DCLRE1C: variants seen among roughly 807,000 people sequenced by gnomAD.
DCLRE1C encodes protein artemis.
A neutral mutation model predicts 61.4 loss-of-function variants in DCLRE1C; 47 were observed. That is an observed-to-expected ratio of 0.77 (90% CI 0.61 to 0.98). The LOEUF (loss-of-function observed/expected upper bound fraction) is 0.98, where lower values mean the gene tolerates loss of function less well. Among genes scored for constraint, DCLRE1C ranks in the 50% least tolerant of loss-of-function variants. DCLRE1C has a pLI of 0.00. For missense variants in DCLRE1C, 858 were observed against 816.0 expected, an observed-to-expected ratio of 1.05 and a Z score of -0.63; for synonymous variants, 337 against 287.6, an observed-to-expected ratio of 1.17 and a Z score of -1.74.
intron 1 of DCLRE1C, among the ~76,000 whole-genome samples, chr10:14,952,101 T>A (rs1378662030): frequency 1.3e-5 from 2 of 152,136 alleles, no homozygotes; most frequent in African/African-American, 4.8e-5. Flanking sequence ...ATGCACAAAC[T>A]TATGATGATT....
Position 14,907,708 on chromosome 10 carries a change from T to TATCA in DCLRE1C, c.*696_*699dup, listed in dbSNP as rs923587903. ...ACATGGTTTTTCCATCCTTTTAACC[T>TATCA]ATCAATCACTTGAATTGACTTTCTT... On this transcript the variant is annotated 3_prime_UTR_variant, in exon 14 of 14. Coordinates refer to ENST00000378278, the MANE Select transcript of DCLRE1C (RefSeq NM_001033855.3). 1.2e-4 allele frequency among the ~76,000 whole-genome samples: 18 copies of TATCA among 152,182 alleles called. No individual in the cohort carries two copies. The highest frequency in any genetic ancestry group is 4.3e-4 in the African/African-American group (18 of 41,446).
intron 13 of DCLRE1C, among the ~76,000 whole-genome samples, chr10:14,914,599 T>C (rs535645836): frequency 2.0e-5 from 3 of 152,352 alleles, no homozygotes; most frequent in East Asian, 1.9e-4. Flanking sequence ...CCAGGTTTAA[T>C]GTGTAAATTG....
In DCLRE1C at chr10:14,934,508, T is replaced by C; in HGVS notation, c.550A>G (p.Ser184Gly). The C allele has an allele frequency of 6.2e-7, 1 of 1,614,134 alleles. No individual in the cohort carries two copies. The highest frequency in any genetic ancestry group is 8.5e-7 in the Non-Finnish European group (1 of 1,180,020). Residue 184 changes from serine (S) to glycine (G), a missense_variant, in exon 8 of 14, where the codon AGT (serine) becomes GGT (glycine). Physicochemically the swap from Ser to Gly is moderately conservative, Grantham distance 56. Around this residue, in one of 2 missense-constraint regions of DCLRE1C, gnomAD observed 843 missense variants for 783.5 expected, o/e 1.08. Coordinates refer to ENST00000378278, the MANE Select transcript of DCLRE1C (RefSeq NM_001033855.3). The part of the protein sequence containing the change: ...YQIPSREECL[S>G]GVLELVRSWI... ...CTTCGGACCAGCTCTAAGACTCCAC[T>C]TAAACACTCCTCCTAGACAGGATTT...
chr10:14,916,569 C>A (rs1836228474), intron 13 of DCLRE1C, among the ~76,000 whole-genome samples: 1 of 152,202 alleles, frequency 6.6e-6, no homozygotes, highest in Non-Finnish European at 1.5e-5. Flanking sequence ...AAATCCAAAA[C>A]ACTTCTGCTC....
At chr10:14,934,253 G>A (rs1484820864) in intron 8 of DCLRE1C, 127 bp downstream of exon 8, 90 of 1,349,866 alleles carry the variant, frequency 6.7e-5, no homozygotes, top group African/African-American at 8.9e-5. Flanking sequence ...GCTTGAACCC[G>A]GGAGGTGGAG....
At chr10:14,901,328 A>G (rs945970713), downstream of DCLRE1C, 4 of 1,595,780 alleles carry the variant, frequency 2.5e-6, no homozygotes, top group East Asian at 4.5e-5. Flanking sequence ...CAGACTAGGA[A>G]CAGACCTTAG....
At chr10:14,915,668 ACTC>A (rs1836064056) in intron 13 of DCLRE1C, among the ~76,000 whole-genome samples, 1 of 151,742 alleles carries the variant, frequency 6.6e-6, no homozygotes, top group East Asian at 1.9e-4. Flanking sequence ...CACAAAGAAA[ACTC>A]CTTTCCCACC....
At chr10:14,922,439 T>TAA (rs76753067) in intron 12 of DCLRE1C, among the ~76,000 whole-genome samples, 1,281 of 124,856 alleles carry the variant, frequency 0.01, 17 homozygotes, top group African/African-American at 0.035. Flanking sequence ...AGACCCTGTC[T>TAA]AAAAAAAAAA....
intron 11 of DCLRE1C, among the ~76,000 whole-genome samples, chr10:14,924,798 G>T (rs1374857431): frequency 6.6e-6 from 1 of 151,738 alleles, no homozygotes; most frequent in Non-Finnish European, 1.5e-5. Context: ...AGTGAGCCGA[G>T]ATCACGCCAC....
intron 1 of DCLRE1C, among the ~76,000 whole-genome samples, chr10:14,952,149 C>T (rs1842544907): frequency 1.3e-5 from 2 of 152,192 alleles, no homozygotes; most frequent in African/African-American, 4.8e-5. Context: ...CCAAACTCAG[C>T]CATCCTAAAC....
At chr10:14,953,806 C>A in intron 1 of DCLRE1C, 96 bp downstream of exon 1, 1 of 1,566,242 alleles carries the variant, frequency 6.4e-7, no homozygotes, top group East Asian at 2.3e-5. Flanking sequence ...GCTGGCTTCC[C>A]ACAGGCTGCA....
In DCLRE1C at chr10:14,905,252, GATGGTTC is replaced by G. The variant is rs150910481; in HGVS notation, c.*3149_*3155del. On this transcript the variant is annotated 3_prime_UTR_variant, in exon 14 of 14. Transcript: ENST00000378278. ...GATCTTGGCCAAAAGGCCAAGGAGTGATGGTTCATGCATTTGAATATTAAAGGACAAT... is the reference window on the plus strand; with the variant it reads ...GATCTTGGCCAAAAGGCCAAGGAGTGATGCATTTGAATATTAAAGGACAAT... Among the ~76,000 whole-genome samples the G allele has an allele frequency of 6.6e-6, 1 of 152,374 alleles. No homozygotes were observed. Among genetic ancestry groups the G allele is most frequent in the Non-Finnish European group, 1.5e-5 (1 of 68,032 alleles).
At chr10:14,932,681 G>T (rs923356891) in intron 9 of DCLRE1C, among the ~76,000 whole-genome samples, 173 bp downstream of exon 9, 1 of 152,078 alleles carries the variant, frequency 6.6e-6, no homozygotes, top group Non-Finnish European at 1.5e-5. Flanking sequence ...GTGACGAAAA[G>T]TGTGGTCATG....
chr10:14,900,724 C>T (rs1833947682), downstream of DCLRE1C, among the ~76,000 whole-genome samples: 1 of 152,014 alleles, frequency 6.6e-6, no homozygotes, highest in South Asian at 2.1e-4. Flanking sequence ...TTCTGTAGTG[C>T]AGATTTGATT....
intron 13 of DCLRE1C, among the ~76,000 whole-genome samples, chr10:14,910,005 A>T (rs755801904): frequency 6.6e-6 from 1 of 152,242 alleles, no homozygotes; most frequent in Non-Finnish European, 1.5e-5. Context: ...ATCTTGTAAC[A>T]GTATCTAACC....
rs1834466223 is a variant in DCLRE1C at position 14,907,133 on chromosome 10, A to G, written c.*1275T>C. The stretch of plus-strand genomic sequence containing the variant: ...CCAAAGTACTGGGATTGCAGGCAGG[A>G]GTTACTGTGCCTGGCCACCATTTAA... On this transcript the variant is annotated 3_prime_UTR_variant, in exon 14 of 14. Transcript: ENST00000378278. Among the ~76,000 whole-genome samples the G allele has an allele frequency of 6.6e-6, 1 of 152,032 alleles. No homozygotes were observed. Among genetic ancestry groups the G allele is most frequent in the African/African-American group, 2.4e-5 (1 of 41,362 alleles).
intron 2 of DCLRE1C, among the ~76,000 whole-genome samples, chr10:14,947,301 G>C (rs551262629): frequency 5.0e-4 from 76 of 152,232 alleles, no homozygotes; most frequent in African/African-American, 1.8e-3. Context: ...CCAGGTATCA[G>C]ACATGGATAA....
intron 13 of DCLRE1C, chr10:14,899,357 T>C (rs1251314597): frequency 2.8e-6 from 2 of 704,882 alleles, no homozygotes; most frequent in Non-Finnish European, 5.0e-6. Flanking sequence ...TTATCATTTT[T>C]CTTCCCCTCA....
chr10:14,948,320 C>T (rs2078991019), intron 2 of DCLRE1C, among the ~76,000 whole-genome samples: 1 of 152,152 alleles, frequency 6.6e-6, no homozygotes, highest in Non-Finnish European at 1.5e-5. Flanking sequence ...TATCAATTAG[C>T]AGAGAAGCCT....
Sources: gnomAD v4.1 joint callset for allele counts (sites outside exome capture counted in the v4.1 genomes callset) on GRCh38, gnomAD v4.1.1 for gene constraint, gnomAD v4.1.1 regional missense constraint, MANE v1.5 for transcripts, NCBI Gene and HGNC (gene_info 2026-07-23, HGNC 2026-07-21) for gene names.